The following RNF111 variants were observed in gnomAD, a reference collection of about 807,000 sequenced individuals.
RNF111 encodes E3 ubiquitin-protein ligase Arkadia.
RNF111 carries 17 observed loss-of-function variants against 95.1 expected under a neutral mutation model. The ratio of observed to expected loss-of-function variants is 0.18; its 90% CI spans 0.12 to 0.27. RNF111 has a LOEUF of 0.27. Ranked by LOEUF, RNF111 falls within the 10% of genes least tolerant of loss-of-function variation. The probability of loss-of-function intolerance (pLI) is 1.00; values close to 1 mark genes in which losing one functional copy is unlikely to be tolerated. For synonymous variants in RNF111, 440 were observed against 414.8 expected, an observed-to-expected ratio of 1.06 and a Z score of -0.74; for missense variants, 1,189 against 1,210.4, an observed-to-expected ratio of 0.98 and a Z score of 0.26.
At chr15:59,068,279 T>C (rs1337181946) in intron 6 of RNF111, among the ~76,000 whole-genome samples, 1 of 152,032 alleles carries the variant, frequency 6.6e-6, no homozygotes, top group Non-Finnish European at 1.5e-5. Context: ...ATTGTAATTT[T>C]GACATATACT....
At chr15:59,023,574 T>TA (rs1374507567) in intron 1 of RNF111, among the ~76,000 whole-genome samples, 1 of 152,222 alleles carries the variant, frequency 6.6e-6, no homozygotes, top group Non-Finnish European at 1.5e-5. Flanking sequence ...TGGCCTGTCT[T>TA]ACTGTTGCCA....
Position 59,089,773 on chromosome 15 carries a change from T to C in RNF111, c.2643+14T>C. The C allele has an allele frequency of 6.5e-7, 1 of 1,532,876 alleles. No individual in the cohort carries two copies. The highest frequency in any genetic ancestry group is 9.0e-7 in the Non-Finnish European group (1 of 1,106,448). 95.0% of individuals were successfully genotyped at this position (1,532,876 alleles called of 1,614,324 possible). A position where few individuals can be genotyped will look rare whatever the true frequency, so the allele number is the denominator to read the frequency against. On this transcript the variant is annotated intron_variant, in intron 11 of 13. Coordinates refer to ENST00000348370, the MANE Select transcript of RNF111 (RefSeq NM_017610.8). ...GGCAATTTTGAGGTATGTAATAAAA[T>C]AAATGAATATGTTTGTCACAGTATC...
chr15:59,005,950 G>A (rs1596054561), intron 1 of RNF111, among the ~76,000 whole-genome samples: 1 of 152,302 alleles, frequency 6.6e-6, no homozygotes, highest in East Asian at 1.9e-4. Flanking sequence ...ATGGGGATGT[G>A]GAGATTTAAA....
chr15:58,992,303 C>T (rs1478967277), intron 1 of RNF111, among the ~76,000 whole-genome samples: 1 of 152,094 alleles, frequency 6.6e-6, no homozygotes, highest in Non-Finnish European at 1.5e-5. Flanking sequence ...TCTCGGCCTC[C>T]CAAAGTGCTG....
rs1246086794 is a variant in RNF111, at chr15:59,097,170, C to G, written c.*2270C>G. On this transcript the variant is annotated 3_prime_UTR_variant, in exon 14 of 14. Coordinates refer to ENST00000348370, the MANE Select transcript of RNF111 (RefSeq NM_017610.8). ...ACTTTGAACATTTTGACTTTTTGTG[C>G]TTTGTTTTGGTGTCTTCCATATCCT... is the stretch of plus-strand genomic sequence containing the variant. 6 of 152,164 alleles carry G rather than the reference C, an allele frequency of 3.9e-5. No homozygotes were observed. Among genetic ancestry groups the G allele is most frequent in the African/African-American group, 1.4e-4 (6 of 41,452 alleles). The allele number at this position is 152,164 out of a possible 1,614,324, so 9.4% of individuals were successfully genotyped here.
At chr15:59,000,396 C>T (rs1303678834) in intron 1 of RNF111, among the ~76,000 whole-genome samples, 3 of 151,840 alleles carry the variant, frequency 2.0e-5, no homozygotes, top group Admixed American at 6.6e-5. Flanking sequence ...CTGCTAGGCA[C>T]CCGGCCCATT....
intron 2 of RNF111, among the ~76,000 whole-genome samples, chr15:59,040,624 C>G (rs1184528225): frequency 3.3e-5 from 5 of 152,092 alleles, no homozygotes; most frequent in African/African-American, 1.2e-4. Flanking sequence ...GCTTATTTGC[C>G]TTGTCGTATA....
chr15:59,022,724 A>G (rs1251203630), intron 1 of RNF111, among the ~76,000 whole-genome samples: 2 of 152,202 alleles, frequency 1.3e-5, no homozygotes, highest in Non-Finnish European at 2.9e-5. Context: ...CAACCAAAAG[A>G]CTCACCAAAG....
At chr15:59,080,419 G>C (rs1213983607) in intron 7 of RNF111, among the ~76,000 whole-genome samples, 1 of 152,100 alleles carries the variant, frequency 6.6e-6, no homozygotes, top group Non-Finnish European at 1.5e-5. Context: ...ACGGTGCCTG[G>C]CCCTTCCTGT....
In RNF111 at chr15:59,008,038, T is replaced by C. The variant is rs190913329; in HGVS notation, c.-20+19970T>C. Among the ~76,000 whole-genome samples the C allele has an allele frequency of 2.1e-3, 322 of 152,314 alleles. 1 individual carries two copies. Among genetic ancestry groups the C allele is most frequent in the African/African-American group, 7.1e-3 (296 of 41,578 alleles). On this transcript the variant is annotated intron_variant, in intron 1 of 13. Coordinates refer to ENST00000348370, the MANE Select transcript of RNF111 (RefSeq NM_017610.8). ...CAAGCTTACTAATTTTTTTAAGAAA[T>C]GGTAGTACTTTCTGTATCCTGTGAA... is the stretch of plus-strand genomic sequence containing the variant.
At chr15:59,013,903 C>T (rs767800684) in intron 1 of RNF111, among the ~76,000 whole-genome samples, 1 of 151,916 alleles carries the variant, frequency 6.6e-6, no homozygotes, top group Non-Finnish European at 1.5e-5. Context: ...ATTCTTATGC[C>T]TCAGCGTCCC....
In RNF111 at chr15:59,096,496, G is replaced by C. The variant is rs2079178798; in HGVS notation, c.*1596G>C. On this transcript the variant is annotated 3_prime_UTR_variant, in exon 14 of 14. Transcript: ENST00000348370. The stretch of plus-strand genomic sequence containing the variant: ...TTAAACATCTTGGAATTCAACAATA[G>C]TGATCTCACTCAAATTGACATTTGC... The C allele has an allele frequency of 6.3e-6, 1 of 157,622 alleles. No individual in the cohort carries two copies. The highest frequency in any genetic ancestry group is 2.4e-5 in the African/African-American group (1 of 41,676). 9.8% of individuals were successfully genotyped at this position (157,622 alleles called of 1,614,324 possible).
At chr15:58,990,446 G>A (rs1174948323) in intron 1 of RNF111, among the ~76,000 whole-genome samples, 3 of 152,042 alleles carry the variant, frequency 2.0e-5, no homozygotes, top group Non-Finnish European at 4.4e-5. Flanking sequence ...AATCACTTGA[G>A]GTGACCAGTC....
intron 1 of RNF111, chr15:58,988,410 C>G (rs1280836758): frequency 6.6e-6 from 1 of 152,556 alleles, no homozygotes; most frequent in Non-Finnish European, 1.5e-5. Flanking sequence ...ATGAAGGTAA[C>G]CCGGACCCGG....
chr15:59,019,885 G>A (rs1353288532), intron 1 of RNF111, among the ~76,000 whole-genome samples: 11 of 151,982 alleles, frequency 7.2e-5, no homozygotes, highest in African/African-American at 2.4e-4. Context: ...CTTGAACCTG[G>A]GAGATGGAGG....
chr15:59,083,090 A>G (rs1334895530), intron 8 of RNF111, among the ~76,000 whole-genome samples: 1 of 152,014 alleles, frequency 6.6e-6, no homozygotes, highest in African/African-American at 2.4e-5. Flanking sequence ...TCAGGGTTAC[A>G]CTGAGCTATG....
chr15:59,026,875 C>G (rs1466098937), intron 1 of RNF111, among the ~76,000 whole-genome samples: 1 of 152,112 alleles, frequency 6.6e-6, no homozygotes, highest in Non-Finnish European at 1.5e-5. Context: ...GAAGAGTTAA[C>G]TGGTGTACAA....
At chr15:59,092,204 A>T (rs1224673710) in intron 12 of RNF111, among the ~76,000 whole-genome samples, 1 of 152,076 alleles carries the variant, frequency 6.6e-6, no homozygotes, top group Non-Finnish European at 1.5e-5. Flanking sequence ...ATTCACTAAT[A>T]AAAAAAACTT....
chr15:59,019,105 A>ATTTTTTTTTTTTTTTTTTTTTTTTT (rs35154303), intron 1 of RNF111, among the ~76,000 whole-genome samples: 2 of 121,286 alleles, frequency 1.6e-5, no homozygotes, highest in Non-Finnish European at 3.5e-5. Context: ...GTATTTTTGT[A>ATTTTTTTTTTTTTTTTTTTTTTTTT]TTTTTTTTTT....
Sources: gnomAD v4.1 joint callset for allele counts (sites outside exome capture counted in the v4.1 genomes callset) on GRCh38, gnomAD v4.1.1 for gene constraint, MANE v1.5 for transcripts, NCBI Gene and HGNC (gene_info 2026-07-23, HGNC 2026-07-21) for gene names.